GIGYF2: variants seen among roughly 807,000 people sequenced by gnomAD.
The protein encoded by GIGYF2 is GRB10 interacting GYF protein 2.
A neutral mutation model predicts 208.1 loss-of-function variants in GIGYF2; 25 were observed. That is an observed-to-expected ratio of 0.12 (90% CI 0.09 to 0.17). GIGYF2 has a LOEUF of 0.17. Among genes scored for constraint, GIGYF2 ranks in the 10% least tolerant of loss-of-function variants. GIGYF2 has a pLI of 1.00. For missense variants in GIGYF2, 1,302 were observed against 1,579.4 expected (o/e 0.82, Z 2.98); for synonymous variants, 534 against 543.8 (o/e 0.98, Z 0.25).
At chr2:232,720,583 A>ATATTTTTTT (rs376956632) in intron 2 of GIGYF2, among the ~76,000 whole-genome samples, 39 of 144,986 alleles carry the variant, frequency 2.7e-4, no homozygotes, top group South Asian at 4.7e-4. Context: ...ATATATATAT[A>ATATTTTTTT]TTTTTGTTTG....
rs755964159 is a variant in GIGYF2 at position 232,791,122 on chromosome 2, G to A, written c.1045G>A (p.Asp349Asn). 4.3e-6 allele frequency: 7 copies of A among 1,613,938 alleles called. No individual in the cohort carries two copies. Among genetic ancestry groups the A allele is most frequent in the South Asian group, 3.3e-5 (3 of 91,074 alleles). Residue 349 changes from aspartate (D) to asparagine (N), a missense_variant, in exon 11 of 29, where the codon GAT (aspartate) becomes AAT (asparagine). Around this residue, in one of 8 missense-constraint regions of GIGYF2, gnomAD observed 235 missense variants for 218.8 expected, o/e 1.07. Coordinates refer to ENST00000373563, the MANE Select transcript of GIGYF2 (RefSeq NM_001103146.3). ...CCATAATGAAGAGGCCAAAGAACCCGATAAGACAAATAAGAAAGAAGGAGA... is the reference window on the plus strand; with the variant it reads ...CCATAATGAAGAGGCCAAAGAACCCAATAAGACAAATAAGAAAGAAGGAGA... ...GSHNEEAKEP[D>N]KTNKKEGEKT...
At chr2:232,783,012 A>T (rs1699772218) in intron 8 of GIGYF2, among the ~76,000 whole-genome samples, 1 of 152,202 alleles carries the variant, frequency 6.6e-6, no homozygotes, top group Non-Finnish European at 1.5e-5. Context: ...ATGTTTTCTT[A>T]AAGAGGTGGG....
rs1036037911 is a variant in GIGYF2, at chr2:232,839,736, G to A, written c.2767-113G>A. On this transcript the variant is annotated intron_variant, in intron 22 of 28. Transcript: ENST00000373563. ...AAGAAGGAAATTTGAATTGAATGTG[G>A]TAAATGGAGTTGAGAGAAATGCATT... The A allele has an allele frequency of 1.1e-5, 12 of 1,066,538 alleles. No homozygotes were observed. In the South Asian group the frequency reaches 1.3e-4, roughly 12 times the overall value. The allele number at this position is 1,066,538 out of a possible 1,614,324, so 66.1% of individuals were successfully genotyped here.
intron 20 of GIGYF2, among the ~76,000 whole-genome samples, chr2:232,819,405 A>G (rs916449276): frequency 6.6e-6 from 1 of 152,130 alleles, no homozygotes; most frequent in Admixed American, 6.6e-5. Flanking sequence ...GACTGGGAGA[A>G]CTTATCTTAC....
At chr2:232,716,216 C>G (rs577331309) in intron 2 of GIGYF2, among the ~76,000 whole-genome samples, 5 of 151,960 alleles carry the variant, frequency 3.3e-5, no homozygotes, top group Admixed American at 6.6e-5. Context: ...TCCTTTTCAT[C>G]TTACTTAGCT....
intron 2 of GIGYF2, among the ~76,000 whole-genome samples, chr2:232,731,609 C>A (rs1697501038): frequency 6.6e-6 from 1 of 152,204 alleles, no homozygotes; most frequent in Admixed American, 6.5e-5. Flanking sequence ...TTAGAAAACA[C>A]ACTGAATTGA....
At chr2:232,820,609 C>T (rs751037441) in intron 21 of GIGYF2, among the ~76,000 whole-genome samples, 22 of 152,146 alleles carry the variant, frequency 1.4e-4, no homozygotes, top group Non-Finnish European at 2.2e-4. Flanking sequence ...CTGCTGTGCC[C>T]GGCCATCACC....
intron 2 of GIGYF2, among the ~76,000 whole-genome samples, chr2:232,716,452 C>A (rs1034476992): frequency 6.8e-6 from 1 of 146,374 alleles, no homozygotes; most frequent in African/African-American, 2.5e-5. Context: ...GATCTCGGCT[C>A]ACTGCAACTT....
At position 232,787,745 on chromosome 2, in the gene GIGYF2, A is replaced by AT. The variant is rs540449023; in HGVS notation, c.712+422dup. Among the ~76,000 whole-genome samples, 12 of 152,278 alleles carry AT rather than the reference A, an allele frequency of 7.9e-5. No individual in the cohort carries two copies. In the South Asian group the frequency reaches 1.0e-3, roughly 13 times the overall value. ...CTAACAAGAAAGGGTTTATTCTTTC[A>AT]TTTTTTCCCTTTTGAAAATGTGATT... On this transcript the variant is annotated intron_variant, in intron 9 of 28. Transcript: ENST00000373563.
At chr2:232,800,683 C>T (rs1269083583) in intron 14 of GIGYF2, among the ~76,000 whole-genome samples, 1 of 151,714 alleles carries the variant, frequency 6.6e-6, no homozygotes, top group Non-Finnish European at 1.5e-5. Flanking sequence ...CTCCTGGGCT[C>T]CAGTGATCCC....
At chr2:232,776,548 A>G (rs1699523193) in intron 8 of GIGYF2, 1 of 872,602 alleles carries the variant, frequency 1.1e-6, no homozygotes, top group East Asian at 2.6e-5. Context: ...TCTAGTTTGT[A>G]GGTTCTCTTC....
chr2:232,819,981 A>C lies in GIGYF2; in HGVS notation c.2525A>C (p.Lys842Thr). 1 of 1,613,060 alleles carries C rather than the reference A, an allele frequency of 6.2e-7. No individual in the cohort carries two copies. Among genetic ancestry groups the C allele is most frequent in the Non-Finnish European group, 8.5e-7 (1 of 1,179,094 alleles). Residue 842 changes from lysine to threonine, a missense_variant, in exon 21 of 29, where the codon AAA (lysine) becomes ACA (threonine). Around this residue, in one of 8 missense-constraint regions of GIGYF2, gnomAD observed 701 missense variants for 793.0 expected, o/e 0.88. Coordinates refer to ENST00000373563, the MANE Select transcript of GIGYF2 (RefSeq NM_001103146.3). ...ERRKQEELLR[K>T]QEEEAAKWAR... ...CGGAAGCAGGAAGAATTGTTACGCA[A>C]ACAGGTGACCAGATGGTTTTGTCTT...
intron 28 of GIGYF2, among the ~76,000 whole-genome samples, chr2:232,855,382 G>T (rs537633086): frequency 6.6e-6 from 1 of 152,194 alleles, no homozygotes; most frequent in African/African-American, 2.4e-5. Flanking sequence ...TCAGCTGTCA[G>T]TTGTGTTTGT....
intron 21 of GIGYF2, among the ~76,000 whole-genome samples, chr2:232,821,841 A>G (rs1016960457): frequency 9.2e-5 from 14 of 151,552 alleles, no homozygotes; most frequent in African/African-American, 3.4e-4. Flanking sequence ...TTTTTTCTGT[A>G]TGATATGAGG....
At chr2:232,811,908 C>T (rs1489735779) in intron 17 of GIGYF2, among the ~76,000 whole-genome samples, 1 of 152,104 alleles carries the variant, frequency 6.6e-6, no homozygotes, top group Non-Finnish European at 1.5e-5. Context: ...TTAACCCATC[C>T]CATGAGGTAG....
chr2:232,735,008 ATTG>A lies in GIGYF2; in HGVS notation c.-43-144_-43-142del, dbSNP rs1184021986. Reference sequence around the variant, plus strand: ...TTCATTTCACTTTGCCTGCTATATTATTGTTTTAAGTAGGAATTTCAAAATCTC... The same window carrying A: ...TTCATTTCACTTTGCCTGCTATATTATTTTAAGTAGGAATTTCAAAATCTC... On this transcript the variant is annotated intron_variant, in intron 2 of 28. Transcript: ENST00000373563. 3.2e-5 allele frequency: 19 copies of A among 600,658 alleles called. No homozygotes were observed. The Admixed American group carries it at 5.6e-4, about 18-fold the overall frequency. 37.2% of individuals were successfully genotyped at this position (600,658 alleles called of 1,614,324 possible).
intron 2 of GIGYF2, among the ~76,000 whole-genome samples, chr2:232,706,634 C>G (rs1220860286): frequency 6.6e-6 from 1 of 151,946 alleles, no homozygotes; most frequent in East Asian, 1.9e-4. Context: ...AAAAATTAGC[C>G]GGGTGTGGTG....
At chr2:232,797,079 TG>T (rs1165467243) in intron 14 of GIGYF2, among the ~76,000 whole-genome samples, 2 of 71,732 alleles carry the variant, frequency 2.8e-5, no homozygotes, top group Non-Finnish European at 5.0e-5. Context: ...GGACCTTGAC[TG>T]TTTTTTTTTT....
intron 22 of GIGYF2, among the ~76,000 whole-genome samples, chr2:232,834,653 C>T (rs1446971113): frequency 6.6e-6 from 1 of 152,120 alleles, no homozygotes; most frequent in Non-Finnish European, 1.5e-5. Context: ...TCTCTCTCTC[C>T]TTCAGGCACT....
Sources: gnomAD v4.1 joint callset for allele counts (sites outside exome capture counted in the v4.1 genomes callset) on GRCh38, gnomAD v4.1.1 for gene constraint, gnomAD v4.1.1 regional missense constraint, MANE v1.5 for transcripts, NCBI Gene and HGNC (gene_info 2026-07-23, HGNC 2026-07-21) for gene names.